ANXA4: variants seen among roughly 807,000 people sequenced by gnomAD.
The protein encoded by ANXA4 is 35-beta calcimedin.
In ANXA4, 39 loss-of-function variants were observed where a neutral mutation model predicts 49.8. That is an observed-to-expected ratio of 0.78 (90% CI 0.61 to 1.02). The LOEUF is 1.02. Ranked by LOEUF, ANXA4 falls within the 50% of genes least tolerant of loss-of-function variation. The pLI, the probability that ANXA4 is intolerant of heterozygous loss-of-function variation, is 0.00. For missense variants in ANXA4, 360 were observed against 410.1 expected (o/e 0.88, Z 1.05); for synonymous variants, 134 against 152.5 (o/e 0.88, Z 0.89).
chr2:69,736,690 A>G (rs1482600523), intron 3 of ANXA4, among the ~76,000 whole-genome samples: 1 of 152,226 alleles, frequency 6.6e-6, no homozygotes, highest in African/African-American at 2.4e-5. Context: ...GGAGATAAAC[A>G]TTTTGAAATT....
chr2:69,764,481 C>T (rs1671424835), intron 1 of ANXA4, among the ~76,000 whole-genome samples: 1 of 152,064 alleles, frequency 6.6e-6, no homozygotes, highest in Non-Finnish European at 1.5e-5. Flanking sequence ...TGGACTTTGC[C>T]TTAGAGTGGG....
intron 1 of ANXA4, among the ~76,000 whole-genome samples, chr2:69,777,897 G>A (rs1672024249): frequency 6.6e-6 from 1 of 152,142 alleles, no homozygotes; most frequent in South Asian, 2.1e-4. Flanking sequence ...TCTGTGAAGG[G>A]CCAGATAATA....
chr2:69,715,145 C>G lies in ANXA4; in HGVS notation n.767-5629C>G, dbSNP rs529409399. Among the ~76,000 whole-genome samples the G allele has an allele frequency of 7.9e-5, 12 of 152,308 alleles. No homozygotes were observed. In the South Asian group the frequency reaches 2.5e-3, roughly 32 times the overall value. ...TATATTTGAGCCCTGCTCTTATAAC[C>G]AAGTTAAATTTTGCCTAAAATAAGG... On this transcript the variant is annotated intron_variant and non_coding_transcript_variant, in intron 2 of 3. Coordinates refer to the ANXA4 transcript ENST00000418066.
At chr2:69,662,306 A>G (rs1177592322) in intron 2 of ANXA4, among the ~76,000 whole-genome samples, 1 of 152,206 alleles carries the variant, frequency 6.6e-6, no homozygotes, top group Non-Finnish European at 1.5e-5. Flanking sequence ...CAAGACATCC[A>G]GGCAGAAGTT....
chr2:69,740,678 C>CTTTTTTTTT (rs1670363934), upstream of ANXA4, among the ~76,000 whole-genome samples: 1 of 94,652 alleles, frequency 1.1e-5, no homozygotes, highest in Non-Finnish European at 1.9e-5. Flanking sequence ...TTCTTTCTTC[C>CTTTTTTTTT]TCTTTTTTTT....
At chr2:69,770,717 G>A (rs770689189) in intron 1 of ANXA4, among the ~76,000 whole-genome samples, 8 of 152,090 alleles carry the variant, frequency 5.3e-5, no homozygotes, top group Non-Finnish European at 1.0e-4. Context: ...CATTAAACCT[G>A]TACGCACACA....
chr2:69,799,082 G>C (rs894189070), intron 3 of ANXA4, among the ~76,000 whole-genome samples: 2 of 152,156 alleles, frequency 1.3e-5, no homozygotes, highest in Non-Finnish European at 2.9e-5. Flanking sequence ...ATCCTCTTAG[G>C]GCCTGATGGT....
chr2:69,715,443 A>G (rs1678849365), intron 2 of ANXA4, among the ~76,000 whole-genome samples: 1 of 152,128 alleles, frequency 6.6e-6, no homozygotes, highest in Admixed American at 6.5e-5. Context: ...CCTGGTCTCA[A>G]GTGATCCTCC....
At chr2:69,646,643 A>G (rs931939214) in intron 1 of ANXA4, among the ~76,000 whole-genome samples, 1 of 152,182 alleles carries the variant, frequency 6.6e-6, no homozygotes, top group Non-Finnish European at 1.5e-5. Flanking sequence ...TAAGATGCCA[A>G]ATTATAAACA....
chr2:69,788,897 A>C (rs1222965381), intron 3 of ANXA4, among the ~76,000 whole-genome samples: 1 of 113,966 alleles, frequency 8.8e-6, no homozygotes. Context: ...GAAGGAGGAG[A>C]GGGAGGGAGG....
intron 2 of ANXA4, among the ~76,000 whole-genome samples, chr2:69,783,508 C>T (rs1479204254): frequency 1.3e-5 from 2 of 152,190 alleles, no homozygotes; most frequent in African/African-American, 2.4e-5. Flanking sequence ...AGCCACCGCG[C>T]CCAGCTTTCT....
intron 1 of ANXA4, among the ~76,000 whole-genome samples, chr2:69,761,931 A>G (rs985627251): frequency 1.3e-5 from 2 of 152,184 alleles, no homozygotes; most frequent in African/African-American, 2.4e-5. Flanking sequence ...AAAAATATCA[A>G]AGTGAATAAA....
chr2:69,796,709 G>C (rs1672958386), intron 3 of ANXA4, among the ~76,000 whole-genome samples: 1 of 152,168 alleles, frequency 6.6e-6, no homozygotes, highest in African/African-American at 2.4e-5. Flanking sequence ...GGGGAGCTTT[G>C]GAGATGGTGA....
At chr2:69,739,232 A>G (rs751991969), upstream of ANXA4, among the ~76,000 whole-genome samples, 5 of 151,682 alleles carry the variant, frequency 3.3e-5, no homozygotes, top group Non-Finnish European at 5.9e-5. Flanking sequence ...GAGAAATCCT[A>G]CTGTCATGTT....
Position 69,781,517 on chromosome 2 carries a change from C to A in ANXA4, c.-46-3C>A. The A allele has an allele frequency of 6.2e-7, 1 of 1,611,952 alleles. No homozygotes were observed. The highest frequency in any genetic ancestry group is 8.5e-7 in the Non-Finnish European group (1 of 1,178,340). The stretch of plus-strand genomic sequence containing the variant: ...AGTAATTTCCCCTCTGCTTTTATCA[C>A]AGAAGAACTTCTGCTTGGGTGGCTG... On this transcript the variant is annotated splice_polypyrimidine_tract_variant and splice_region_variant and intron_variant, in intron 1 of 12. Transcript: ENST00000394295.
At chr2:69,798,161 C>T (rs994171006) in intron 3 of ANXA4, among the ~76,000 whole-genome samples, 4 of 152,164 alleles carry the variant, frequency 2.6e-5, no homozygotes, top group Non-Finnish European at 5.9e-5. Flanking sequence ...TAACCTCCCA[C>T]CCAACCCCAG....
At chr2:69,696,920 T>C (rs923121077) in intron 2 of ANXA4, among the ~76,000 whole-genome samples, 1 of 152,220 alleles carries the variant, frequency 6.6e-6, no homozygotes, top group Middle Eastern at 3.2e-3. Context: ...GCTTTGTTGC[T>C]CCATTTATAC....
At chr2:69,653,646 C>T (rs1006831264) in intron 2 of ANXA4, among the ~76,000 whole-genome samples, 6 of 152,210 alleles carry the variant, frequency 3.9e-5, no homozygotes, top group African/African-American at 1.4e-4. Flanking sequence ...TATGATTGGA[C>T]ACTATGTCTT....
intron 2 of ANXA4, among the ~76,000 whole-genome samples, chr2:69,697,557 A>G (rs1467394476): frequency 6.6e-6 from 1 of 152,204 alleles, no homozygotes; most frequent in Non-Finnish European, 1.5e-5. Context: ...TCTGTTTGGC[A>G]CAAGAAGCCT....
Sources: gnomAD v4.1 joint callset for allele counts (sites outside exome capture counted in the v4.1 genomes callset) on GRCh38, gnomAD v4.1.1 for gene constraint, MANE v1.5 for transcripts, NCBI Gene and HGNC (gene_info 2026-07-23, HGNC 2026-07-21) for gene names.